The following MOB1B variants were observed in gnomAD, a reference collection of about 807,000 sequenced individuals.
The protein encoded by MOB1B is MOB kinase activator 1B, also known as MOB1 Mps One Binder homolog B.
In MOB1B, 19 loss-of-function variants were observed where a neutral mutation model predicts 24.4. That is an observed-to-expected ratio of 0.78 (90% CI 0.54 to 1.14). The LOEUF (loss-of-function observed/expected upper bound fraction) is 1.14, where lower values mean the gene tolerates loss of function less well. Among genes scored for constraint, MOB1B ranks in the 50% most tolerant of loss-of-function variants. The probability of loss-of-function intolerance (pLI) is 0.00; values close to 1 mark genes in which losing one functional copy is unlikely to be tolerated. For synonymous variants in MOB1B, 76 were observed against 82.1 expected (o/e 0.93, Z 0.40); for missense variants, 243 against 259.6 (o/e 0.94, Z 0.44).
chr4:70,944,993 A>G (rs982770330), intron 1 of MOB1B, among the ~76,000 whole-genome samples: 5 of 152,156 alleles, frequency 3.3e-5, no homozygotes, highest in Non-Finnish European at 5.9e-5. Context: ...CAGTGTTTTT[A>G]CATACTTCTG....
rs1310108183 is a variant in MOB1B, at chr4:70,987,884, A to G, written c.*5827A>G. On this transcript the variant is annotated 3_prime_UTR_variant, in exon 6 of 6. Transcript: ENST00000309395. ...TCAAGTAACTAGAAGGGGAAAAATC[A>G]TCTAAGTTATGAAATCCAACATAGG... 1.3e-5 allele frequency: 2 copies of G among 152,618 alleles called. No individual in the cohort carries two copies. The highest frequency in any genetic ancestry group is 4.8e-5 in the African/African-American group (2 of 41,458). 9.5% of individuals were successfully genotyped at this position (152,618 alleles called of 1,614,324 possible).
chr4:70,948,858 G>A (rs1352003474), intron 1 of MOB1B, among the ~76,000 whole-genome samples: 1 of 152,158 alleles, frequency 6.6e-6, no homozygotes, highest in Non-Finnish European at 1.5e-5. Context: ...TCCCCTGCCT[G>A]CTGGGGTGGT....
At chr4:70,910,047 CT>C (rs1227586330) in intron 1 of MOB1B, among the ~76,000 whole-genome samples, 19 of 144,574 alleles carry the variant, frequency 1.3e-4, no homozygotes, top group Admixed American at 2.1e-4. Flanking sequence ...CACGCCCGGC[CT>C]TTTTTTTTTG....
intron 1 of MOB1B, among the ~76,000 whole-genome samples, chr4:70,953,620 A>T (rs1737901204): frequency 6.6e-6 from 1 of 152,190 alleles, no homozygotes; most frequent in African/African-American, 2.4e-5. Context: ...AGCCTAGATG[A>T]TAATTTGTGG....
chr4:70,921,882 T>G (rs1736454291), intron 1 of MOB1B, among the ~76,000 whole-genome samples: 1 of 152,206 alleles, frequency 6.6e-6, no homozygotes, highest in Non-Finnish European at 1.5e-5. Flanking sequence ...TTAATTAGCC[T>G]TATGTCTTCA....
chr4:70,938,196 G>A (rs200116700), intron 1 of MOB1B, among the ~76,000 whole-genome samples: 1 of 151,676 alleles, frequency 6.6e-6, no homozygotes, highest in Non-Finnish European at 1.5e-5. Context: ...GCATGAGTGT[G>A]GAGGGTTTAT....
chr4:70,979,595 A>G (rs1337826373), intron 5 of MOB1B, among the ~76,000 whole-genome samples: 2 of 152,158 alleles, frequency 1.3e-5, no homozygotes, highest in African/African-American at 4.8e-5. Context: ...CTGTGGATGA[A>G]CTGGTTCTCC....
intron 1 of MOB1B, among the ~76,000 whole-genome samples, chr4:70,940,797 C>T (rs1038252827): frequency 1.3e-5 from 2 of 151,992 alleles, no homozygotes; most frequent in Non-Finnish European, 2.9e-5. Context: ...CTGCCTCAGC[C>T]TCCCGAGTAG....
intron 2 of MOB1B, among the ~76,000 whole-genome samples, chr4:70,968,435 C>A (rs1266464942): frequency 6.6e-6 from 1 of 152,144 alleles, no homozygotes; most frequent in East Asian, 1.9e-4. Context: ...CCCCAGCCTC[C>A]TGAGTAGCTG....
At chr4:70,914,259 C>T (rs1389331499) in intron 1 of MOB1B, among the ~76,000 whole-genome samples, 1 of 152,132 alleles carries the variant, frequency 6.6e-6, no homozygotes, top group East Asian at 1.9e-4. Context: ...ATTATGCAGT[C>T]TGAGGTACTT....
In MOB1B at chr4:70,902,513, C is replaced by G; in HGVS notation, c.-24C>G. ...GCTCCGAGGCCTCGCGACCGCCGAGCCTGCAGCCTGCCCCGCGGCCAACAT... is the reference window on the plus strand; with the variant it reads ...GCTCCGAGGCCTCGCGACCGCCGAGGCTGCAGCCTGCCCCGCGGCCAACAT... On this transcript the variant is annotated 5_prime_UTR_variant, in exon 1 of 6. Coordinates refer to ENST00000309395, the MANE Select transcript of MOB1B (RefSeq NM_173468.4). The G allele has an allele frequency of 6.4e-7, 1 of 1,561,358 alleles. No homozygotes were observed. The highest frequency in any genetic ancestry group is 8.7e-7 in the Non-Finnish European group (1 of 1,153,158).
At chr4:70,941,774 A>C (rs189284341) in intron 1 of MOB1B, among the ~76,000 whole-genome samples, 1 of 152,268 alleles carries the variant, frequency 6.6e-6, no homozygotes, top group East Asian at 1.9e-4. Context: ...TTCAAATGCT[A>C]ATTTAATCTT....
At position 70,938,467 on chromosome 4, in the gene MOB1B, T is replaced by A. The variant is rs567689235; in HGVS notation, c.15-20407T>A. On this transcript the variant is annotated intron_variant, in intron 1 of 5. Coordinates refer to ENST00000309395, the MANE Select transcript of MOB1B (RefSeq NM_173468.4). ...ATTCACTTTATCTCCATGTGTTAAG[T>A]ATGGTAAACTTGCCTGCAACTATAC... 2.6e-5 allele frequency among the ~76,000 whole-genome samples: 4 copies of A among 152,100 alleles called. No individual in the cohort carries two copies. The East Asian group carries it at 7.7e-4, about 29-fold the overall frequency.
At chr4:70,962,217 C>G (rs763418326) in intron 2 of MOB1B, among the ~76,000 whole-genome samples, 2 of 152,056 alleles carry the variant, frequency 1.3e-5, no homozygotes, top group African/African-American at 2.4e-5. Flanking sequence ...AAAAATTTAC[C>G]TACCAAGGAC....
chr4:70,942,580 G>T (rs1431465248), intron 1 of MOB1B, among the ~76,000 whole-genome samples: 1 of 152,072 alleles, frequency 6.6e-6, no homozygotes, highest in Non-Finnish European at 1.5e-5. Context: ...CTAAACTGTA[G>T]TTTTTAATTG....
At chr4:70,966,006 T>C (rs1419918017) in intron 2 of MOB1B, among the ~76,000 whole-genome samples, 2 of 152,088 alleles carry the variant, frequency 1.3e-5, no homozygotes, top group Non-Finnish European at 2.9e-5. Flanking sequence ...CACAGTAGTA[T>C]TTCCATGAAA....
At chr4:70,913,018 A>G (rs1736056834) in intron 1 of MOB1B, among the ~76,000 whole-genome samples, 1 of 152,168 alleles carries the variant, frequency 6.6e-6, no homozygotes, top group South Asian at 2.1e-4. Context: ...TTGGCCTCCC[A>G]AAGTGCCGGC....
intron 5 of MOB1B, among the ~76,000 whole-genome samples, chr4:70,981,098 A>G (rs1313402510): frequency 6.6e-6 from 1 of 152,184 alleles, no homozygotes. Flanking sequence ...GTTTTACTTA[A>G]CAACATTCTA....
intron 1 of MOB1B, among the ~76,000 whole-genome samples, chr4:70,945,942 C>CTT (rs34913117): frequency 6.9e-6 from 1 of 145,020 alleles, no homozygotes; most frequent in African/African-American, 2.5e-5. Context: ...TTTTGTGGTG[C>CTT]TTTTTTTTTT....
Sources: gnomAD v4.1 joint callset for allele counts (sites outside exome capture counted in the v4.1 genomes callset) on GRCh38, gnomAD v4.1.1 for gene constraint, MANE v1.5 for transcripts, NCBI Gene and HGNC (gene_info 2026-07-23, HGNC 2026-07-21) for gene names.